ZNF558: variants seen among roughly 807,000 people sequenced by gnomAD.
ZNF558 encodes the protein zinc finger protein 558.
A neutral mutation model predicts 37.6 loss-of-function variants in ZNF558; 23 were observed. The observed-to-expected ratio is 0.61, with a 90% confidence interval of 0.44 to 0.87. The LOEUF is 0.87. ZNF558 is among the 40% of genes least tolerant of loss of function. The pLI is 0.00. For missense variants in ZNF558, 429 were observed against 483.7 expected (o/e 0.89, Z 1.06); for synonymous variants, 189 against 174.4 (o/e 1.08, Z -0.66).
At position 8,822,699 on chromosome 19, in the gene ZNF558, A is replaced by G; in HGVS notation, c.-40T>C. 1 of 1,613,930 alleles carries G rather than the reference A, an allele frequency of 6.2e-7. No individual in the cohort carries two copies. Among genetic ancestry groups the G allele is most frequent in the Non-Finnish European group, 8.5e-7 (1 of 1,179,976 alleles). On this transcript the variant is annotated 5_prime_UTR_variant, in exon 5 of 10. Transcript: ENST00000601372. The surrounding 1 kb of genome is among the most constrained non-coding windows in gnomAD (Gnocchi z 4.4). The stretch of plus-strand genomic sequence containing the variant: ...AGCAACAGGGCAGCCGGGAAGCAGG[A>G]CGCTCCTCCTTTATCCCGCAGCGCT...
chr19:8,829,450 G>C (rs886122896), intron 2 of ZNF558, among the ~76,000 whole-genome samples: 7 of 152,146 alleles, frequency 4.6e-5, no homozygotes, highest in African/African-American at 1.7e-4. Context: ...AACAACTTAA[G>C]CTCTCAAGCT....
At chr19:8,832,756 T>G (rs1362233892), upstream of ZNF558, among the ~76,000 whole-genome samples, 2 of 148,416 alleles carry the variant, frequency 1.3e-5, no homozygotes, top group African/African-American at 5.0e-5. Flanking sequence ...CGGGGATGAC[T>G]GAGCAGAGAC....
chr19:8,822,776 T>G lies in ZNF558; in HGVS notation c.-65-52A>C. ...CTCCGTGGCCTCCTCCCTCTCGGGC[T>G]GCTGGGGATGGGCCCTCCTCAACCC... is the stretch of plus-strand genomic sequence containing the variant. On this transcript the variant is annotated intron_variant, in intron 4 of 9. Transcript: ENST00000601372. The surrounding 1 kb of genome is among the most constrained non-coding windows in gnomAD (Gnocchi z 4.4). 1 of 1,524,094 alleles carries G rather than the reference T, an allele frequency of 6.6e-7. No homozygotes were observed. Among genetic ancestry groups the G allele is most frequent in the South Asian group, 1.1e-5 (1 of 88,042 alleles). 94.4% of individuals were successfully genotyped at this position (1,524,094 alleles called of 1,614,324 possible).
chr19:8,835,196 C>T (rs1599307940), upstream of ZNF558, among the ~76,000 whole-genome samples: 1 of 152,028 alleles, frequency 6.6e-6, no homozygotes, highest in Non-Finnish European at 1.5e-5. Context: ...GGACCACAGG[C>T]GTTCACCACC....
At chr19:8,830,416 A>G (rs1415537876) in intron 2 of ZNF558, among the ~76,000 whole-genome samples, 4 of 152,134 alleles carry the variant, frequency 2.6e-5, no homozygotes, top group South Asian at 2.1e-4. Context: ...CCTTCAATCT[A>G]TAAGTTGTTG....
At chr19:8,814,358 A>G (rs1246902581) in intron 7 of ZNF558, among the ~76,000 whole-genome samples, 1 of 152,148 alleles carries the variant, frequency 6.6e-6, no homozygotes, top group Non-Finnish European at 1.5e-5. Context: ...TTCTTTCAGG[A>G]CTGAGCTGGT....
chr19:8,815,864 A>T (rs1368189889), intron 7 of ZNF558, among the ~76,000 whole-genome samples: 1 of 152,102 alleles, frequency 6.6e-6, no homozygotes, highest in Admixed American at 6.6e-5. Context: ...GACCTTTGGG[A>T]TACCATCGAA....
rs1307002421 is a variant in ZNF558 at position 8,813,167 on chromosome 19, C to T, written c.303G>A (p.Val101=). 1.9e-6 allele frequency: 3 copies of T among 1,599,636 alleles called. No individual in the cohort carries two copies. The highest frequency in any genetic ancestry group is 1.1e-5 in the South Asian group (1 of 88,198). ...LISQLEQDKK[V]VTEERGILPS... ...GTAGAATTCCTCTTTCCTCTGTCAC[C>T]ACCTTCTTGTCTTGTTCCAACTGGG... Residue 101 remains valine (V), a synonymous_variant, in exon 8 of 10, where the codon GTG becomes GTA. Coordinates refer to ENST00000601372, the MANE Select transcript of ZNF558 (RefSeq NM_144693.3).
chr19:8,830,153 T>C (rs2044317421), intron 2 of ZNF558, among the ~76,000 whole-genome samples: 1 of 152,158 alleles, frequency 6.6e-6, no homozygotes, highest in Non-Finnish European at 1.5e-5. Flanking sequence ...ATGTCTTCTC[T>C]CTCTCTCCTG....
rs1341688979 is a variant in ZNF558 at position 8,811,885 on chromosome 19, T to C, written c.605A>G (p.His202Arg). The C allele has an allele frequency of 1.2e-6, 2 of 1,614,072 alleles. No homozygotes were observed. The highest frequency in any genetic ancestry group is 2.2e-5 in the East Asian group (1 of 44,890). Reference sequence around the variant, plus strand: ...GCATTCATAGGGTTTCTCCCCATTATGGATTCTCTTATGAATAGTAAGGTA... The same window carrying C: ...GCATTCATAGGGTTTCTCCCCATTACGGATTCTCTTATGAATAGTAAGGTA... ...RSYLTIHKRIHNGEKPYECNH... is the reference protein window; with the variant it reads ...RSYLTIHKRIRNGEKPYECNH... Residue 202 changes from histidine (H) to arginine (R), a missense_variant, in exon 10 of 10, where the codon CAT becomes CGT. His to Arg is a conservative substitution (Grantham distance 29). Transcript: ENST00000601372.
At position 8,812,074 on chromosome 19, in the gene ZNF558, A is replaced by T. The variant is rs1354578606; in HGVS notation, c.427-11T>A. ...ACGATGACTTCTTTCCTGTGGATTA[A>T]GAGATGAATGATAACTATAATTTAT... On this transcript the variant is annotated splice_polypyrimidine_tract_variant and intron_variant, in intron 9 of 9. Coordinates refer to ENST00000601372, the MANE Select transcript of ZNF558 (RefSeq NM_144693.3). 3.2e-5 allele frequency: 49 copies of T among 1,532,660 alleles called. No homozygotes were observed. In the Admixed American group the frequency reaches 1.1e-3, roughly 33 times the overall value. 94.9% of individuals were successfully genotyped at this position (1,532,660 alleles called of 1,614,324 possible). A position where few individuals can be genotyped will look rare whatever the true frequency, so the allele number is the denominator to read the frequency against.
chr19:8,822,990 T>A lies in ZNF558; in HGVS notation c.-65-266A>T. On this transcript the variant is annotated intron_variant, in intron 4 of 9. Coordinates refer to ENST00000601372, the MANE Select transcript of ZNF558 (RefSeq NM_144693.3). The surrounding 1 kb of genome is among the most constrained non-coding windows in gnomAD (Gnocchi z 4.4). ...CTTCACGCAGTCTCACGGCATGTTC[T>A]TCCCATCCAAGCGCACCACAAACGC... 2.8e-6 allele frequency: 1 copy of A among 352,546 alleles called. No individual in the cohort carries two copies. The highest frequency in any genetic ancestry group is 3.7e-5 in the Admixed American group (1 of 26,782). The allele number at this position is 352,546 out of a possible 1,614,324, so 21.8% of individuals were successfully genotyped here. A position where few individuals can be genotyped will look rare whatever the true frequency, so the allele number is the denominator to read the frequency against.
chr19:8,821,961 G>A (rs1243646559), intron 6 of ZNF558, 42 bp downstream of exon 6: 3 of 1,611,612 alleles, frequency 1.9e-6, no homozygotes, highest in African/African-American at 1.3e-5. Context: ...CAACCTTCTG[G>A]CCAAAGGAAT....
intron 8 of ZNF558, 139 bp from the exon 9 acceptor site, chr19:8,812,782 G>T (rs2043828658): frequency 3.6e-6 from 2 of 555,206 alleles, no homozygotes; most frequent in Non-Finnish European, 6.2e-6. Context: ...AAAATTTTAG[G>T]TATTAATTTT....
chr19:8,811,336 A>G lies in ZNF558; in HGVS notation c.1154T>C (p.Phe385Ser). 1 of 1,610,958 alleles carries G rather than the reference A, an allele frequency of 6.2e-7. No homozygotes were observed. Among genetic ancestry groups the G allele is most frequent in the Non-Finnish European group, 8.5e-7 (1 of 1,178,608 alleles). The change falls in exon 10 of 10, where the codon TTC (phenylalanine) becomes TCC (serine). Residue 385 changes from phenylalanine to serine, a missense_variant. Transcript: ENST00000601372. ...PYECNHCGKSFTSNSYLSVHK... is the reference protein window; with the variant it reads ...PYECNHCGKSSTSNSYLSVHK... ...CACAGAAAGATAGGAGTTACTTGTG[A>G]AGGATTTCCCACAATGATTACATTC...
rs183372922 is a variant in ZNF558 at position 8,811,308 on chromosome 19, G to A, written c.1182C>T (p.His394=). The part of the protein sequence containing the change: ...SFTSNSYLSV[H]KRIHNRWI ...ATATCCATCTATTATGTATTCTCTT[G>A]TGCACAGAAAGATAGGAGTTACTTG... The change falls in exon 10 of 10, where the codon CAC becomes CAT. Residue 394 remains histidine (H), a synonymous_variant. Transcript: ENST00000601372. 28 of 1,597,184 alleles carry A rather than the reference G, an allele frequency of 1.8e-5. No individual in the cohort carries two copies. The East Asian group carries it at 5.1e-4, about 29-fold the overall frequency.
At chr19:8,831,848 A>C (rs962809062) in intron 1 of ZNF558, among the ~76,000 whole-genome samples, 1 of 152,074 alleles carries the variant, frequency 6.6e-6, no homozygotes, top group Non-Finnish European at 1.5e-5. Context: ...TGTCCTGTAC[A>C]ACGTAGGATC....
rs1361606043 is a variant in ZNF558 at position 8,807,764 on chromosome 19, A to C, written c.*3517T>G. On this transcript the variant is annotated 3_prime_UTR_variant, in exon 10 of 10. Coordinates refer to ENST00000601372, the MANE Select transcript of ZNF558 (RefSeq NM_144693.3). ...TGCTTTTTTTTCCTATAACTCTATA[A>C]TACCATATTTTCTTGATTTTTCTAT... The C allele has an allele frequency of 2.6e-5, 4 of 152,136 alleles. No homozygotes were observed. Among genetic ancestry groups the C allele is most frequent in the Non-Finnish European group, 5.9e-5 (4 of 68,032 alleles). 9.4% of individuals were successfully genotyped at this position (152,136 alleles called of 1,614,324 possible).
chr19:8,829,949 T>G (rs1398677778), intron 2 of ZNF558, among the ~76,000 whole-genome samples: 1 of 152,164 alleles, frequency 6.6e-6, no homozygotes, highest in Admixed American at 6.5e-5. Context: ...AGAAACAAAG[T>G]TAATTCCTAT....
Sources: gnomAD v4.1 joint callset for allele counts (sites outside exome capture counted in the v4.1 genomes callset) on GRCh38, gnomAD v4.1.1 for gene constraint, Gnocchi (gnomAD v3.1) non-coding constraint, MANE v1.5 for transcripts, NCBI Gene and HGNC (gene_info 2026-07-23, HGNC 2026-07-21) for gene names.